Variants in MTMR12 observed in about 807,000 individuals in gnomAD.
MTMR12 encodes the protein myotubularin-related protein 12.
MTMR12 carries 33 observed loss-of-function variants against 96.7 expected under a neutral mutation model. The observed-to-expected ratio is 0.34, with a 90% CI of 0.26 to 0.46. The LOEUF is 0.46. MTMR12 is among the 20% of genes least tolerant of loss of function. The probability of loss-of-function intolerance (pLI) is 1.00; values close to 1 mark genes in which losing one functional copy is unlikely to be tolerated. For synonymous variants in MTMR12, 298 were observed against 327.2 expected (o/e 0.91, Z 0.96); for missense variants, 721 against 896.1 (o/e 0.80, Z 2.49).
intron 1 of MTMR12, among the ~76,000 whole-genome samples, chr5:32,294,319 T>A (rs184974639): frequency 0.015 from 2,330 of 151,990 alleles, 29 homozygotes; most frequent in Non-Finnish European, 0.024. Flanking sequence ...TTTTTTTTTT[T>A]AAAGACAGAG....
At chr5:32,246,166 G>T (rs186567261) in intron 10 of MTMR12, among the ~76,000 whole-genome samples, 30 of 92,600 alleles carry the variant, frequency 3.2e-4, no homozygotes, top group Admixed American at 1.4e-3. Flanking sequence ...CTATTGAGTA[G>T]ACAGTTTTTT....
intron 15 of MTMR12, chr5:32,232,949 A>G: frequency 1.0e-6 from 1 of 984,054 alleles, no homozygotes; most frequent in Non-Finnish European, 1.2e-6. Context: ...ACACACATCG[A>G]CTTAGACTTA....
intron 1 of MTMR12, chr5:32,296,436 A>G (rs951898937): frequency 2.9e-6 from 1 of 346,126 alleles, no homozygotes; most frequent in Non-Finnish European, 6.1e-6. Context: ...CTGAGATCAC[A>G]CCACTGCATT....
chr5:32,234,964 T>C lies in MTMR12; in HGVS notation c.1510A>G (p.Met504Val), dbSNP rs138615024. Residue 504 changes from methionine (M) to valine (V), a missense_variant and splice_region_variant, in exon 14 of 16, where the codon ATG becomes GTG. Met to Val is a conservative substitution (Grantham distance 21, BLOSUM62 1). Transcript: ENST00000382142. ...FNSPHQKDTN[M>V]GREGQDTQSK... ...AGGTTCCTAAGAGGGACTCTTACCA[T>C]GTTAGTATCTTTTTGATGAGGTGAA... 41 of 1,611,826 alleles carry C rather than the reference T, an allele frequency of 2.5e-5. No homozygotes were observed. In the African/African-American group the frequency reaches 5.2e-4, roughly 20 times the overall value.
At chr5:32,303,890 C>T (rs1352212340) in intron 1 of MTMR12, among the ~76,000 whole-genome samples, 1 of 148,008 alleles carries the variant, frequency 6.8e-6, no homozygotes, top group African/African-American at 2.5e-5. Context: ...CATCAGAAGT[C>T]ACAAGCACAA....
chr5:32,271,308 G>T (rs1749821627), intron 4 of MTMR12, among the ~76,000 whole-genome samples: 1 of 152,220 alleles, frequency 6.6e-6, no homozygotes, highest in Non-Finnish European at 1.5e-5. Context: ...TGGGTTTACA[G>T]CTAGGACCCC....
rs1167986330 is a variant in MTMR12, at chr5:32,233,880, C to T, written c.1567G>A (p.Asp523Asn). 6.2e-7 allele frequency: 1 copy of T among 1,614,208 alleles called. No individual in the cohort carries two copies. Among genetic ancestry groups the T allele is most frequent in the East Asian group, 2.2e-5 (1 of 44,884 alleles). ...SKPLNLLTVW[D>N]WSVQFEPKAQ... ...TTGGGTTCAAACTGCACCGACCAATCCCACACGGTGAGCAGATTCAAAGGC... is the reference window on the plus strand; with the variant it reads ...TTGGGTTCAAACTGCACCGACCAATTCCACACGGTGAGCAGATTCAAAGGC... The change falls in exon 15 of 16, where the codon GAT (aspartate) becomes AAT (asparagine). Residue 523 changes from aspartate to asparagine, a missense_variant. Transcript: ENST00000382142. The surrounding 1 kb of genome is among the most constrained non-coding windows in gnomAD (Gnocchi z 5.0).
chr5:32,241,002 G>A (rs1291385136), intron 12 of MTMR12, among the ~76,000 whole-genome samples: 1 of 152,214 alleles, frequency 6.6e-6, no homozygotes, highest in Non-Finnish European at 1.5e-5. Context: ...TTTCCAAGGT[G>A]AGACAATTCA....
chr5:32,310,808 G>A (rs1164572309), intron 1 of MTMR12, among the ~76,000 whole-genome samples: 1 of 151,802 alleles, frequency 6.6e-6, no homozygotes, highest in Non-Finnish European at 1.5e-5. Flanking sequence ...TAACACAAAG[G>A]AAGGATAAAT....
At chr5:32,285,357 CAAAAAAAA>C (rs35792337) in intron 1 of MTMR12, among the ~76,000 whole-genome samples, 1 of 109,694 alleles carries the variant, frequency 9.1e-6, no homozygotes, top group Non-Finnish European at 1.9e-5. Flanking sequence ...GATTCCATTT[CAAAAAAAA>C]AAAAAAAAAG....
chr5:32,239,587 ACTC>A (rs1340804755), intron 12 of MTMR12, among the ~76,000 whole-genome samples: 1 of 151,762 alleles, frequency 6.6e-6, no homozygotes, highest in African/African-American at 2.4e-5. Context: ...CCGTCACTGA[ACTC>A]CTCCTGGGGT....
rs753082710 is a variant in MTMR12, at chr5:32,270,943, A to G, written c.363T>C (p.Phe121=). ...CAAAGAGAGTTTTCTTTTTCTCATC[A>G]AACACTACAGATCAGCAATGAAATC... ...LHCVDQIYGV[F]DEKKKTLFGQ... is the part of the protein sequence containing the mutation. The change falls in exon 5 of 16, where the codon TTT becomes TTC. Residue 121 remains phenylalanine, a synonymous_variant. Coordinates refer to ENST00000382142, the MANE Select transcript of MTMR12 (RefSeq NM_001040446.3). 40 of 1,612,542 alleles carry G rather than the reference A, an allele frequency of 2.5e-5. No individual in the cohort carries two copies.
In MTMR12 at chr5:32,229,799, G is replaced by A. The variant is rs759536196; in HGVS notation, c.2223C>T (p.Phe741=). 7.1e-6 allele frequency: 11 copies of A among 1,546,214 alleles called. No individual in the cohort carries two copies. In the Admixed American group the frequency reaches 8.0e-5, roughly 11 times the overall value. Reference sequence around the variant, plus strand: ...CAGGTCACACATCCCCTAGGTCCACGAACTCATCTTCTCGTTTGGCCAAAT... The same window carrying A: ...CAGGTCACACATCCCCTAGGTCCACAAACTCATCTTCTCGTTTGGCCAAAT... ...EDDLAKREDE[F]VDLGDV The change falls in exon 16 of 16, where the codon TTC becomes TTT. Residue 741 remains phenylalanine (F), a synonymous_variant. Coordinates refer to ENST00000382142, the MANE Select transcript of MTMR12 (RefSeq NM_001040446.3).
chr5:32,242,211 C>T (rs1465515823), intron 11 of MTMR12, 84 bp from the exon 12 acceptor site: 3 of 881,774 alleles, frequency 3.4e-6, no homozygotes, highest in Non-Finnish European at 5.2e-6. Context: ...GAGAGTCTGA[C>T]TTGATCTTCA....
At chr5:32,234,860 G>A in intron 14 of MTMR12, 102 bp downstream of exon 14, 1 of 1,154,798 alleles carries the variant, frequency 8.7e-7, no homozygotes, top group Non-Finnish European at 1.2e-6. Flanking sequence ...TAGTGTATGT[G>A]CTGCCAAGTG....
rs765520082 is a variant in MTMR12, at chr5:32,243,578, T to C, written c.1043A>G (p.Asp348Gly). ...FLIDNSTEFW[D>G]TDIKWFSLLE... ...CAGAGAAAACCATTTTATATCTGTG[T>C]CCCAAAATTCAGTACTGTTATCTGA... is the stretch of plus-strand genomic sequence containing the variant. The change falls in exon 11 of 16, where the codon GAC becomes GGC. Residue 348 changes from aspartate (D) to glycine (G), a missense_variant. Physicochemically the swap from Asp to Gly is moderately conservative, Grantham distance 94 (BLOSUM62 -1). Coordinates refer to ENST00000382142, the MANE Select transcript of MTMR12 (RefSeq NM_001040446.3). 3 of 1,610,506 alleles carry C rather than the reference T, an allele frequency of 1.9e-6. No homozygotes were observed. In the Admixed American group the frequency reaches 5.0e-5, roughly 27 times the overall value.
At chr5:32,294,270 T>G (rs964588233) in intron 1 of MTMR12, among the ~76,000 whole-genome samples, 2 of 151,990 alleles carry the variant, frequency 1.3e-5, no homozygotes, top group Non-Finnish European at 2.9e-5. Flanking sequence ...CAAACCACAC[T>G]CTGTATATGC....
intron 13 of MTMR12, among the ~76,000 whole-genome samples, chr5:32,238,163 A>G (rs1420435718): frequency 6.6e-6 from 1 of 151,566 alleles, no homozygotes; most frequent in Non-Finnish European, 1.5e-5. Context: ...AAAAAAAAAA[A>G]AAAAATTGAC....
At chr5:32,236,773 G>A (rs930581679) in intron 13 of MTMR12, among the ~76,000 whole-genome samples, 1 of 150,694 alleles carries the variant, frequency 6.6e-6, no homozygotes, top group African/African-American at 2.4e-5. Flanking sequence ...GGAAGAGGAG[G>A]TGGCAATGAG....
Sources: allele counts gnomAD v4.1 joint callset (sites outside exome capture counted in the v4.1 genomes callset), GRCh38; gene constraint gnomAD v4.1.1; non-coding constraint Gnocchi (gnomAD v3.1); transcripts MANE v1.5; gene names NCBI Gene and HGNC (gene_info 2026-07-23, HGNC 2026-07-21).